The following CTNNA3 variants were observed in gnomAD, a reference collection of about 807,000 sequenced individuals.
CTNNA3 encodes the protein catenin alpha 3, also known as catenin alpha-3.
CTNNA3 carries 76 observed loss-of-function variants against 95.7 expected under a neutral mutation model. That is an observed-to-expected ratio of 0.79 (90% CI 0.66 to 0.96). The LOEUF (loss-of-function observed/expected upper bound fraction) is 0.96. CTNNA3 is among the 40% of genes least tolerant of loss of function. The pLI is 0.00. For missense variants in CTNNA3, 1,191 were observed against 1,089.8 expected (o/e 1.09, Z -1.31); for synonymous variants, 431 against 374.4 (o/e 1.15, Z -1.74).
intron 12 of CTNNA3, among the ~76,000 whole-genome samples, chr10:66,334,230 T>A (rs574157629): frequency 6.6e-6 from 1 of 152,176 alleles, no homozygotes; most frequent in East Asian, 1.9e-4. Context: ...CATTTACATT[T>A]AAGGTTAAAA....
chr10:67,105,637 T>C (rs941582744), intron 7 of CTNNA3, among the ~76,000 whole-genome samples: 1 of 152,178 alleles, frequency 6.6e-6, no homozygotes, highest in Non-Finnish European at 1.5e-5. Flanking sequence ...CACCGCTGTT[T>C]TTCTGTTCTA....
chr10:66,127,034 C>A (rs1183864887), intron 13 of CTNNA3, among the ~76,000 whole-genome samples: 1 of 151,724 alleles, frequency 6.6e-6, no homozygotes, highest in Admixed American at 6.6e-5. Context: ...TTTGGGAGGC[C>A]GAGGTGGATG....
intron 13 of CTNNA3, among the ~76,000 whole-genome samples, chr10:66,204,841 G>A (rs970433745): frequency 1.3e-5 from 2 of 152,152 alleles, no homozygotes; most frequent in African/African-American, 4.8e-5. Flanking sequence ...GGCACCTGGT[G>A]GAAGCCCAAT....
At chr10:66,165,598 T>C (rs1192796577) in intron 13 of CTNNA3, among the ~76,000 whole-genome samples, 1 of 151,928 alleles carries the variant, frequency 6.6e-6, no homozygotes, top group African/African-American at 2.4e-5. Context: ...AGCTCATATA[T>C]AGGATAGAGG....
intron 11 of CTNNA3, among the ~76,000 whole-genome samples, chr10:66,463,880 T>C (rs2093546133): frequency 7.0e-6 from 1 of 142,044 alleles, no homozygotes; most frequent in Non-Finnish European, 1.5e-5. Context: ...GAGCAGTCAC[T>C]TTCCAATTTT....
intron 7 of CTNNA3, among the ~76,000 whole-genome samples, chr10:66,996,992 A>G (rs1851391562): frequency 6.6e-6 from 1 of 152,188 alleles, no homozygotes; most frequent in African/African-American, 2.4e-5. Flanking sequence ...AAAGATAATC[A>G]AGAATAAGAC....
intron 15 of CTNNA3, among the ~76,000 whole-genome samples, chr10:66,029,211 T>A (rs2079403917): frequency 6.6e-6 from 1 of 152,184 alleles, no homozygotes; most frequent in South Asian, 2.1e-4. Flanking sequence ...CTTACATTTA[T>A]TTATCAATAT....
At chr10:66,044,789 A>C (rs1006211126) in intron 15 of CTNNA3, among the ~76,000 whole-genome samples, 1 of 152,194 alleles carries the variant, frequency 6.6e-6, no homozygotes, top group Non-Finnish European at 1.5e-5. Flanking sequence ...ATTTGAAGTA[A>C]TTTGAAAATA....
At chr10:67,584,965 C>G (rs1842574741) in intron 3 of CTNNA3, among the ~76,000 whole-genome samples, 1 of 152,212 alleles carries the variant, frequency 6.6e-6, no homozygotes, top group African/African-American at 2.4e-5. Context: ...TACCGTCTGT[C>G]ACGGCTTTCC....
At chr10:66,752,454 T>C (rs576562988) in intron 9 of CTNNA3, among the ~76,000 whole-genome samples, 9 of 152,290 alleles carry the variant, frequency 5.9e-5, no homozygotes, top group African/African-American at 1.4e-4. Flanking sequence ...CAATAATTAA[T>C]GCAAACCCTA....
chr10:67,212,017 A>G (rs1864160324), intron 6 of CTNNA3, among the ~76,000 whole-genome samples: 1 of 152,108 alleles, frequency 6.6e-6, no homozygotes, highest in African/African-American at 2.4e-5. Flanking sequence ...TACCTAGCAC[A>G]AGGGTTCACA....
rs556258189 is a variant in CTNNA3 at position 66,526,063 on chromosome 10, T to C, written c.1375-5290A>G. On this transcript the variant is annotated intron_variant, in intron 10 of 17. Transcript: ENST00000433211. ...TCACCCATTCATCTGTCAGTGGACA[T>C]TGGGTTGTTTCCATATTTTGGCTGT... Among the ~76,000 whole-genome samples the C allele has an allele frequency of 1.3e-4, 20 of 152,288 alleles. No homozygotes were observed. The East Asian group carries it at 3.1e-3, about 23-fold the overall frequency.
chr10:67,282,311 A>G (rs1254259651), intron 5 of CTNNA3, among the ~76,000 whole-genome samples: 1 of 152,188 alleles, frequency 6.6e-6, no homozygotes, highest in Admixed American at 6.5e-5. Flanking sequence ...AGAGAGATTC[A>G]AAGGCACTAA....
chr10:67,245,717 G>A (rs1231957938), intron 5 of CTNNA3, among the ~76,000 whole-genome samples: 1 of 151,996 alleles, frequency 6.6e-6, no homozygotes, highest in African/African-American at 2.4e-5. Context: ...AATTAGCTGG[G>A]CATGGTGGCA....
intron 7 of CTNNA3, among the ~76,000 whole-genome samples, chr10:67,063,467 G>A (rs1855882349): frequency 6.6e-6 from 1 of 152,132 alleles, no homozygotes; most frequent in Admixed American, 6.5e-5. Context: ...CCAACAGTGA[G>A]GCAGGGTCAA....
intron 10 of CTNNA3, among the ~76,000 whole-genome samples, 198 bp downstream of exon 10, chr10:66,621,494 C>A (rs1195066178): frequency 6.6e-6 from 1 of 151,206 alleles, no homozygotes; most frequent in African/African-American, 2.4e-5. Context: ...CATGGTGGCG[C>A]ATGCCTGTAA....
At chr10:66,856,242 A>C (rs1194906035) in intron 7 of CTNNA3, among the ~76,000 whole-genome samples, 3 of 152,074 alleles carry the variant, frequency 2.0e-5, no homozygotes, top group African/African-American at 7.2e-5. Context: ...GTTGTGGCAA[A>C]GGACATGATA....
At chr10:67,452,784 G>A (rs1380799106) in intron 5 of CTNNA3, among the ~76,000 whole-genome samples, 4 of 152,230 alleles carry the variant, frequency 2.6e-5, no homozygotes, top group Admixed American at 6.5e-5. Context: ...AGTGAGGACT[G>A]AGTTTGAAAT....
chr10:67,734,277 C>T (rs1364981605), intron 1 of CTNNA3, among the ~76,000 whole-genome samples: 2 of 152,134 alleles, frequency 1.3e-5, no homozygotes, highest in African/African-American at 4.8e-5. Context: ...TGGTCAGAAT[C>T]AGTGTGCAGA....
Sources: allele counts gnomAD v4.1 joint callset (sites outside exome capture counted in the v4.1 genomes callset), GRCh38; gene constraint gnomAD v4.1.1; transcripts MANE v1.5; gene names NCBI Gene and HGNC (gene_info 2026-07-23, HGNC 2026-07-21).